The following NT5DC1 variants were observed in gnomAD, a reference collection of about 807,000 sequenced individuals.
NT5DC1 encodes 5'-nucleotidase domain containing 1, also known as 5'-nucleotidase domain-containing protein 1.
NT5DC1 carries 42 observed loss-of-function variants against 59.4 expected under a neutral mutation model. That is an observed-to-expected ratio of 0.71 (90% confidence interval 0.55 to 0.92). NT5DC1 has a LOEUF of 0.92. Among genes scored for constraint, NT5DC1 ranks in the 40% least tolerant of loss-of-function variants. The probability of loss-of-function intolerance (pLI) is 0.00; values close to 1 mark genes in which losing one functional copy is unlikely to be tolerated. For synonymous variants in NT5DC1, 172 were observed against 188.1 expected (o/e 0.91, Z 0.70); for missense variants, 501 against 537.1 (o/e 0.93, Z 0.66).
chr6:116,165,630 CT>C (rs1433901300), intron 6 of NT5DC1, among the ~76,000 whole-genome samples: 2 of 152,220 alleles, frequency 1.3e-5, no homozygotes. Context: ...GATGACCCCC[CT>C]CTACATCTGT....
At chr6:116,119,667 G>T (rs1240081197) in intron 6 of NT5DC1, 1 of 180,528 alleles carries the variant, frequency 5.5e-6, no homozygotes, top group African/African-American at 2.4e-5. Flanking sequence ...CATATTCATA[G>T]TTAGAAACAG....
intron 6 of NT5DC1, among the ~76,000 whole-genome samples, chr6:116,151,295 A>AT (rs1353800415): frequency 6.6e-6 from 1 of 152,226 alleles, no homozygotes; most frequent in Non-Finnish European, 1.5e-5. Flanking sequence ...GCCATCTTTG[A>AT]TAACATTCAT....
intron 6 of NT5DC1, among the ~76,000 whole-genome samples, chr6:116,136,669 A>G (rs960443838): frequency 1.3e-5 from 2 of 152,142 alleles, no homozygotes; most frequent in Non-Finnish European, 2.9e-5. Context: ...ATATGGCAGT[A>G]TCTATCTTTC....
intron 6 of NT5DC1, among the ~76,000 whole-genome samples, chr6:116,209,434 A>G (rs1405330633): frequency 6.6e-6 from 1 of 152,014 alleles, no homozygotes; most frequent in Non-Finnish European, 1.5e-5. Context: ...ATAAACATGA[A>G]TGTTAAGATG....
Position 116,141,485 on chromosome 6 carries a change from ACTT to A in NT5DC1, c.529+23541_529+23543del, listed in dbSNP as rs375053757. Reference sequence around the variant, plus strand: ...AATTACTTACATTGTTCTTTTCCCAACTTTCCAGTGGGACTCCAAGTCATTGTA... The same window carrying A: ...AATTACTTACATTGTTCTTTTCCCAATCCAGTGGGACTCCAAGTCATTGTA... On this transcript the variant is annotated intron_variant, in intron 6 of 11. Transcript: ENST00000319550. Among the ~76,000 whole-genome samples, 393 of 152,028 alleles carry A rather than the reference ACTT, an allele frequency of 2.6e-3. 10 individuals are homozygous for A. In the South Asian group the frequency reaches 0.043, roughly 17 times the overall value.
intron 6 of NT5DC1, among the ~76,000 whole-genome samples, chr6:116,161,702 G>T (rs1411342902): frequency 1.3e-5 from 2 of 152,146 alleles, no homozygotes; most frequent in Non-Finnish European, 2.9e-5. Context: ...GATTGCTTTG[G>T]CTATTTAGGC....
rs145972544 is a variant in NT5DC1, at chr6:116,238,283, G to C, written c.1018G>C (p.Asp340His). 6.2e-7 allele frequency: 1 copy of C among 1,613,278 alleles called. No individual in the cohort carries two copies. Among genetic ancestry groups the C allele is most frequent in the African/African-American group, 1.3e-5 (1 of 74,858 alleles). ...TVLILEELRGDEGTRSQRPEE... is the reference protein window; with the variant it reads ...TVLILEELRGHEGTRSQRPEE... ...CCTCATCCTGGAAGAACTCAGAGGGGATGAAGGCACGAGGAGTCAGAGGCC... is the reference window on the plus strand; with the variant it reads ...CCTCATCCTGGAAGAACTCAGAGGGCATGAAGGCACGAGGAGTCAGAGGCC... The change falls in exon 10 of 12, where the codon GAT becomes CAT. Residue 340 changes from aspartate (D) to histidine (H), a missense_variant. Asp to His is a moderately conservative substitution (Grantham distance 81, BLOSUM62 -1). Transcript: ENST00000319550.
chr6:116,192,512 T>A (rs1176430454), intron 6 of NT5DC1, among the ~76,000 whole-genome samples: 1 of 152,058 alleles, frequency 6.6e-6, no homozygotes, highest in Admixed American at 6.6e-5. Context: ...CAAATTGGAT[T>A]CTGTGTTTCT....
At chr6:116,107,437 T>C (rs897695602) in intron 2 of NT5DC1, among the ~76,000 whole-genome samples, 1 of 151,746 alleles carries the variant, frequency 6.6e-6, no homozygotes, top group African/African-American at 2.4e-5. Context: ...TTTGCTTTTA[T>C]TATTCATAAT....
intron 8 of NT5DC1, among the ~76,000 whole-genome samples, chr6:116,235,278 A>G (rs140510679): frequency 5.1e-4 from 77 of 152,328 alleles, no homozygotes; most frequent in African/African-American, 1.8e-3. Context: ...GTAAATAAAC[A>G]GACATGAGAA....
chr6:116,163,141 A>AAAAATATATATATAT (rs761718922), intron 6 of NT5DC1, among the ~76,000 whole-genome samples: 12 of 88,394 alleles, frequency 1.4e-4, no homozygotes, highest in African/African-American at 6.3e-4. Flanking sequence ...AAAAAAAAAA[A>AAAAATATATATATAT]ATATATATAT....
At position 116,163,141 on chromosome 6, in the gene NT5DC1, A is replaced by AAAATATATAT. The variant is rs761718922; in HGVS notation, c.529+45197_529+45198insAATATATATA. On this transcript the variant is annotated intron_variant, in intron 6 of 11. Coordinates refer to ENST00000319550, the MANE Select transcript of NT5DC1 (RefSeq NM_152729.3). ...GACTCCGTCTCAAAAAAAAAAAAAAAATATATATATATATATATATATTAG... is the reference window on the plus strand; with the variant it reads ...GACTCCGTCTCAAAAAAAAAAAAAAAAAATATATATATATATATATATATATATATATTAG... Among the ~76,000 whole-genome samples, 83 of 88,384 alleles carry AAAATATATAT rather than the reference A, an allele frequency of 9.4e-4. 1 individual carries two copies. Among genetic ancestry groups the AAAATATATAT allele is most frequent in the African/African-American group, 4.1e-3 (71 of 17,336 alleles). The allele number at this position is 88,384 out of a possible 152,430, so 58.0% of individuals were successfully genotyped here. A position where few individuals can be genotyped will look rare whatever the true frequency, so the allele number is the denominator to read the frequency against.
chr6:116,172,839 TCTC>T (rs1171144242), intron 6 of NT5DC1, among the ~76,000 whole-genome samples: 1 of 152,216 alleles, frequency 6.6e-6, no homozygotes, highest in African/African-American at 2.4e-5. Flanking sequence ...GAAAATCTAC[TCTC>T]CTTGTTTTTA....
At chr6:116,122,456 A>G (rs1232158352) in intron 6 of NT5DC1, among the ~76,000 whole-genome samples, 1 of 152,174 alleles carries the variant, frequency 6.6e-6, no homozygotes, top group African/African-American at 2.4e-5. Context: ...TGGTTGATTT[A>G]CTTTTACCTC....
At chr6:116,160,995 G>A (rs1582843819) in intron 6 of NT5DC1, among the ~76,000 whole-genome samples, 1 of 151,856 alleles carries the variant, frequency 6.6e-6, no homozygotes, top group East Asian at 1.9e-4. Flanking sequence ...TATACACCAT[G>A]GAATACTATG....
At chr6:116,179,193 A>G (rs895871198) in intron 6 of NT5DC1, among the ~76,000 whole-genome samples, 2 of 152,150 alleles carry the variant, frequency 1.3e-5, no homozygotes, top group African/African-American at 4.8e-5. Context: ...TAAAAATATT[A>G]AATAACATAT....
At chr6:116,180,413 G>C (rs570238958) in intron 6 of NT5DC1, among the ~76,000 whole-genome samples, 1 of 152,138 alleles carries the variant, frequency 6.6e-6, no homozygotes, top group Admixed American at 6.5e-5. Context: ...GAATTGATAT[G>C]TCACACTTTA....
chr6:116,180,725 A>G (rs1040352668), intron 6 of NT5DC1, among the ~76,000 whole-genome samples: 2 of 152,112 alleles, frequency 1.3e-5, no homozygotes, highest in Admixed American at 1.3e-4. Context: ...GGCAATAAGC[A>G]GAATCCAGAA....
chr6:116,216,996 T>C (rs1485527829), intron 6 of NT5DC1, among the ~76,000 whole-genome samples: 1 of 152,174 alleles, frequency 6.6e-6, no homozygotes, highest in Non-Finnish European at 1.5e-5. Flanking sequence ...ACCATGGAAG[T>C]GTTAGCATCC....
Sources: allele counts gnomAD v4.1 joint callset (sites outside exome capture counted in the v4.1 genomes callset), GRCh38; gene constraint gnomAD v4.1.1; transcripts MANE v1.5; gene names NCBI Gene and HGNC (gene_info 2026-07-23, HGNC 2026-07-21).